The following MCTP1 variants were observed in gnomAD, a reference collection of about 807,000 sequenced individuals.
MCTP1 encodes the protein multiple C2 and transmembrane domain-containing protein 1.
Under a neutral mutation model 120.6 loss-of-function variants are expected in MCTP1, and 69 were observed. That is an observed-to-expected ratio of 0.57 (90% CI 0.47 to 0.70). The LOEUF (loss-of-function observed/expected upper bound fraction) is 0.70, where lower values mean the gene tolerates loss of function less well. Ranked by LOEUF, MCTP1 falls within the 30% of genes least tolerant of loss-of-function variation. The probability of loss-of-function intolerance (pLI) is 0.00; values close to 1 mark genes in which losing one functional copy is unlikely to be tolerated. For missense variants in MCTP1, 1,203 were observed against 1,248.8 expected (o/e 0.96, Z 0.55); for synonymous variants, 529 against 493.1 (o/e 1.07, Z -0.96).
intron 20 of MCTP1, among the ~76,000 whole-genome samples, chr5:94,712,945 A>G (rs1757619097): frequency 6.6e-6 from 1 of 152,078 alleles, no homozygotes; most frequent in Non-Finnish European, 1.5e-5. Context: ...TTGGAAGGAT[A>G]AATGGCAAAG....
intron 1 of MCTP1, among the ~76,000 whole-genome samples, chr5:95,109,566 A>G (rs762085407): frequency 6.3e-4 from 96 of 152,136 alleles, no homozygotes; most frequent in Non-Finnish European, 1.2e-3. Flanking sequence ...AAAATTTCGT[A>G]CCAGAAAGAG....
At chr5:94,769,032 T>A (rs1773464806) in intron 19 of MCTP1, among the ~76,000 whole-genome samples, 1 of 152,130 alleles carries the variant, frequency 6.6e-6, no homozygotes, top group Non-Finnish European at 1.5e-5. Context: ...GGTACATATG[T>A]ACCCAATGGA....
chr5:94,873,278 T>C (rs1438396414), intron 12 of MCTP1, 37 bp from the exon 13 acceptor site: 9 of 1,193,758 alleles, frequency 7.5e-6, no homozygotes, highest in Middle Eastern at 1.9e-4. Flanking sequence ...TTAGTGTACA[T>C]AGCACCCACA....
intron 18 of MCTP1, 138 bp from the exon 19 acceptor site, chr5:94,779,301 A>G: frequency 1.4e-6 from 1 of 720,538 alleles, no homozygotes; most frequent in Non-Finnish European, 2.5e-6. Flanking sequence ...ATCTAGAGAG[A>G]GTGATTAGGA....
At chr5:95,261,360 C>T (rs1042358341) in intron 1 of MCTP1, among the ~76,000 whole-genome samples, 6 of 152,300 alleles carry the variant, frequency 3.9e-5, no homozygotes, top group African/African-American at 1.4e-4. Context: ...TTGAATCTCC[C>T]GGCTACAGTG....
At chr5:95,220,015 G>A (rs1753504723) in intron 1 of MCTP1, among the ~76,000 whole-genome samples, 1 of 152,186 alleles carries the variant, frequency 6.6e-6, no homozygotes, top group African/African-American at 2.4e-5. Flanking sequence ...GCAACAGCTT[G>A]CAATATGTAA....
intron 1 of MCTP1, among the ~76,000 whole-genome samples, chr5:95,026,383 A>T (rs2217062): frequency 6.6e-6 from 1 of 151,962 alleles, no homozygotes; most frequent in East Asian, 1.9e-4. Context: ...CAAATTCTAG[A>T]TCTTATTCAT....
At chr5:95,236,397 C>T (rs73776329) in intron 1 of MCTP1, among the ~76,000 whole-genome samples, 22,757 of 152,106 alleles carry the variant, frequency 0.15, 1,859 homozygotes, top group Non-Finnish European at 0.18. Flanking sequence ...TCTTCCTAAA[C>T]GCCATTCTAA....
chr5:95,255,823 G>A (rs374122893), intron 1 of MCTP1, among the ~76,000 whole-genome samples: 5 of 152,050 alleles, frequency 3.3e-5, no homozygotes, highest in African/African-American at 1.2e-4. Flanking sequence ...TAAGGATTGG[G>A]CCCCAGAACT....
In MCTP1 at chr5:94,716,587, A is replaced by T. The variant is rs562885920; in HGVS notation, c.2611-1701T>A. On this transcript the variant is annotated intron_variant, in intron 19 of 22. Transcript: ENST00000515393. ...GAAGCAAAGTACTCATAAATATTTA[A>T]CCACATACAGAATAAGTCAAACGAG... Among the ~76,000 whole-genome samples the T allele has an allele frequency of 8.5e-4, 129 of 152,272 alleles. 2 individuals carry two copies. Among genetic ancestry groups the T allele is most frequent in the Non-Finnish European group, 1.4e-3 (92 of 68,024 alleles).
intron 12 of MCTP1, among the ~76,000 whole-genome samples, chr5:94,876,694 A>C (rs953605480): frequency 6.6e-6 from 1 of 152,080 alleles, no homozygotes; most frequent in African/African-American, 2.4e-5. Flanking sequence ...CAATGCTAGA[A>C]ACTGGAGAAT....
chr5:94,960,372 T>G (rs1823828893), intron 2 of MCTP1, among the ~76,000 whole-genome samples: 1 of 152,178 alleles, frequency 6.6e-6, no homozygotes, highest in African/African-American at 2.4e-5. Flanking sequence ...AAAGACTTCA[T>G]GACTAAAACA....
rs143292794 is a variant in MCTP1 at position 94,738,977 on chromosome 5, T to G, written c.2611-24091A>C. Among the ~76,000 whole-genome samples, 5 of 152,352 alleles carry G rather than the reference T, an allele frequency of 3.3e-5. No individual in the cohort carries two copies. The East Asian group carries it at 9.6e-4, about 29-fold the overall frequency. On this transcript the variant is annotated intron_variant, in intron 19 of 22. Transcript: ENST00000515393. The stretch of plus-strand genomic sequence containing the variant: ...GCTAGTTAAAACACATGTGATCTTT[T>G]CAACAGCAGCAGTAGCTTCATGTCA...
chr5:95,235,065 A>G (rs1035112887), intron 1 of MCTP1, among the ~76,000 whole-genome samples: 29 of 152,122 alleles, frequency 1.9e-4, no homozygotes, highest in South Asian at 4.1e-4. Flanking sequence ...TAGATTCAAA[A>G]TTTAAAACAA....
rs966932777 is a variant in MCTP1, at chr5:94,714,718, G to T, written c.2720+59C>A. ...AAGAATGTGGCATTTCACCCTCCAA[G>T]AAACAAATGGACACCTTATCCCACA... On this transcript the variant is annotated intron_variant, in intron 20 of 22. Coordinates refer to ENST00000515393, the MANE Select transcript of MCTP1 (RefSeq NM_024717.7). 21 of 1,025,642 alleles carry T rather than the reference G, an allele frequency of 2.0e-5. No homozygotes were observed. In the Admixed American group the frequency reaches 2.1e-4, roughly 10 times the overall value. 63.5% of individuals were successfully genotyped at this position (1,025,642 alleles called of 1,614,324 possible). A position where few individuals can be genotyped will look rare whatever the true frequency, so the allele number is the denominator to read the frequency against.
intron 1 of MCTP1, among the ~76,000 whole-genome samples, chr5:95,181,406 C>T (rs922223931): frequency 1.3e-5 from 2 of 152,182 alleles, no homozygotes; most frequent in Non-Finnish European, 1.5e-5. Flanking sequence ...ACATAATATT[C>T]CCCACCTCCT....
intron 19 of MCTP1, among the ~76,000 whole-genome samples, chr5:94,744,526 CAG>C (rs781698954): frequency 1.6e-4 from 24 of 150,902 alleles, no homozygotes; most frequent in Non-Finnish European, 2.7e-4. Context: ...TTTTTTGAGA[CAG>C]AGTCTTGCTC....
chr5:95,067,368 A>G (rs1446088643), intron 1 of MCTP1, among the ~76,000 whole-genome samples: 2 of 152,252 alleles, frequency 1.3e-5, no homozygotes, highest in African/African-American at 4.8e-5. Flanking sequence ...CACAATGCAT[A>G]CATGTATTGA....
chr5:95,109,716 C>T (rs1286606596), intron 1 of MCTP1, among the ~76,000 whole-genome samples: 1 of 152,132 alleles, frequency 6.6e-6, no homozygotes, highest in Non-Finnish European at 1.5e-5. Flanking sequence ...TAGACACCTA[C>T]CTTATGTCTC....
Sources: gnomAD v4.1 joint callset for allele counts (sites outside exome capture counted in the v4.1 genomes callset) on GRCh38, gnomAD v4.1.1 for gene constraint, MANE v1.5 for transcripts, NCBI Gene and HGNC (gene_info 2026-07-23, HGNC 2026-07-21) for gene names.